Variants in CTNNA1 observed in about 807,000 individuals in gnomAD.
CTNNA1 encodes catenin alpha 1, also known as catenin alpha-1.
A neutral mutation model predicts 98.4 loss-of-function variants in CTNNA1; 37 were observed. The observed-to-expected ratio is 0.38, with a 90% CI of 0.29 to 0.49. CTNNA1 has a LOEUF of 0.49. Ranked by LOEUF, CTNNA1 falls within the 20% of genes least tolerant of loss-of-function variation. The probability of loss-of-function intolerance (pLI) is 0.95; values close to 1 mark genes in which losing one functional copy is unlikely to be tolerated. For missense variants in CTNNA1, 761 were observed against 1,147.2 expected, an observed-to-expected ratio of 0.66 and a Z score of 4.86; for synonymous variants, 404 against 413.2, an observed-to-expected ratio of 0.98 and a Z score of 0.27.
chr5:138,916,025 G>A (rs898312848), intron 10 of CTNNA1, among the ~76,000 whole-genome samples: 9 of 152,006 alleles, frequency 5.9e-5, no homozygotes, highest in Non-Finnish European at 1.3e-4. Flanking sequence ...CTCCAGCCTG[G>A]GCGACAGAGA....
chr5:138,845,909 A>G (rs1762678152), intron 7 of CTNNA1, among the ~76,000 whole-genome samples: 1 of 146,268 alleles, frequency 6.8e-6, no homozygotes, highest in Admixed American at 7.1e-5. Flanking sequence ...GCTAAAGGGT[A>G]CAGGTTTTTT....
At chr5:138,774,445 G>C (rs1029668052) in intron 1 of CTNNA1, among the ~76,000 whole-genome samples, 4 of 152,168 alleles carry the variant, frequency 2.6e-5, no homozygotes, top group Non-Finnish European at 5.9e-5. Flanking sequence ...TGAAAAGTCA[G>C]ATGGTCTGGA....
At position 138,767,617 on chromosome 5, in the gene CTNNA1, C is replaced by T. The variant is rs187941541; in HGVS notation, c.-3+14107C>T. Among the ~76,000 whole-genome samples, 29 of 152,288 alleles carry T rather than the reference C, an allele frequency of 1.9e-4. No individual in the cohort carries two copies. The East Asian group carries it at 5.2e-3, about 27-fold the overall frequency. ...TATAGACTGTTGTAAGCATTTTCCC[C>T]CTACTTTTTTTGGGGAAGATCTTCA... On this transcript the variant is annotated intron_variant, in intron 1 of 17. Transcript: ENST00000302763.
intron 9 of CTNNA1, among the ~76,000 whole-genome samples, chr5:138,902,420 T>TTTTTTG (rs952633786): frequency 5.9e-5 from 9 of 152,216 alleles, no homozygotes; most frequent in Non-Finnish European, 8.8e-5. Context: ...GGGATCTTTG[T>TTTTTTG]TTTTTGTTTT....
chr5:138,929,160 C>T lies in CTNNA1; in HGVS notation c.1900-86C>T, dbSNP rs189300624. 18 of 794,372 alleles carry T rather than the reference C, an allele frequency of 2.3e-5. No homozygotes were observed. The African/African-American group carries it at 2.4e-4, about 10-fold the overall frequency. The allele number at this position is 794,372 out of a possible 1,614,324, so 49.2% of individuals were successfully genotyped here. A position where few individuals can be genotyped will look rare whatever the true frequency, so the allele number is the denominator to read the frequency against. ...CATTAAAATCCAGAATTCTGGGCCT[C>T]CGTGCACCTGGCCAAGAGGCTCAGG... On this transcript the variant is annotated intron_variant, in intron 13 of 17. Coordinates refer to ENST00000302763, the MANE Select transcript of CTNNA1 (RefSeq NM_001903.5).
chr5:138,897,497 A>G lies in CTNNA1; in HGVS notation c.1297-6852A>G, dbSNP rs115517145. On this transcript the variant is annotated intron_variant, in intron 9 of 17. Transcript: ENST00000302763. ...TCTGTAAGGAGCATTTGAATTAAAC[A>G]CTGACCTGACGTGACTACCTGTGAC... Among the ~76,000 whole-genome samples, 1,688 of 152,202 alleles carry G rather than the reference A, an allele frequency of 0.011. 25 individuals are homozygous for G. Among genetic ancestry groups the G allele is most frequent in the African/African-American group, 0.039 (1,605 of 41,538 alleles).
intron 9 of CTNNA1, among the ~76,000 whole-genome samples, chr5:138,899,853 A>T (rs1757650698): frequency 6.6e-6 from 1 of 152,226 alleles, no homozygotes; most frequent in South Asian, 2.1e-4. Flanking sequence ...TATACCATAA[A>T]ATTAACCATT....
At chr5:138,769,992 G>A (rs367738684) in intron 1 of CTNNA1, among the ~76,000 whole-genome samples, 1 of 151,872 alleles carries the variant, frequency 6.6e-6, no homozygotes, top group African/African-American at 2.4e-5. Context: ...GATTACAGGC[G>A]CCTGGCTGAT....
intron 9 of CTNNA1, among the ~76,000 whole-genome samples, chr5:138,901,930 T>C (rs1758128993): frequency 6.6e-6 from 1 of 152,160 alleles, no homozygotes; most frequent in Admixed American, 6.5e-5. Flanking sequence ...TAGAAGTGAG[T>C]AGCCCTGTCC....
At chr5:138,924,018 C>T (rs994840273) in intron 11 of CTNNA1, among the ~76,000 whole-genome samples, 16 of 152,230 alleles carry the variant, frequency 1.1e-4, no homozygotes, top group South Asian at 8.3e-4. Context: ...TGCTTTCCAG[C>T]ACCTTCTCCT....
At chr5:138,887,771 C>G (rs1216537934) in intron 9 of CTNNA1, 129 bp downstream of exon 9, 1 of 728,974 alleles carries the variant, frequency 1.4e-6, no homozygotes, top group African/African-American at 1.8e-5. Flanking sequence ...AGATGATAGT[C>G]TTTCATTATC....
intron 7 of CTNNA1, among the ~76,000 whole-genome samples, chr5:138,833,457 G>A (rs1761475617): frequency 6.6e-6 from 1 of 152,162 alleles, no homozygotes; most frequent in South Asian, 2.1e-4. Context: ...TTATCTCACT[G>A]ATATTATTTT....
At chr5:138,888,054 ATATC>A (rs1754475824) in intron 9 of CTNNA1, among the ~76,000 whole-genome samples, 1 of 152,216 alleles carries the variant, frequency 6.6e-6, no homozygotes. Context: ...GACACTGATA[ATATC>A]TATCTTGGGA....
chr5:138,791,521 G>A (rs564904382), intron 3 of CTNNA1, among the ~76,000 whole-genome samples: 7 of 150,410 alleles, frequency 4.7e-5, no homozygotes, highest in Admixed American at 4.6e-4. Flanking sequence ...GGAGGCTGAG[G>A]CAGGGGAATT....
chr5:138,783,704 A>G lies in CTNNA1; in HGVS notation c.301+332A>G, dbSNP rs1291525306. On this transcript the variant is annotated intron_variant, in intron 3 of 17. Transcript: ENST00000302763. ...AATAGTTAAGTCTTAGAAATGTTGT[A>G]ACACAAATTGATAGGAAAGAAATGG... Among the ~76,000 whole-genome samples the G allele has an allele frequency of 2.0e-5, 3 of 152,322 alleles. No individual in the cohort carries two copies. The East Asian group carries it at 5.8e-4, about 29-fold the overall frequency.
intron 6 of CTNNA1, among the ~76,000 whole-genome samples, chr5:138,825,518 T>C (rs1048900783): frequency 5.9e-5 from 4 of 68,240 alleles, no homozygotes; most frequent in Non-Finnish European, 8.1e-5. Context: ...AAAGTAACTG[T>C]TGGGGCTAAT....
At chr5:138,786,261 CCTTACTTTTTTCTCTTGG>C (rs1379697068) in intron 3 of CTNNA1, among the ~76,000 whole-genome samples, 1 of 152,108 alleles carries the variant, frequency 6.6e-6, no homozygotes, top group Admixed American at 6.5e-5. Flanking sequence ...AGCTGAAATG[CCTTACTTTTTTCTCTTGG>C]CTTACTTTTT....
In CTNNA1 at chr5:138,806,368, T is replaced by C. The variant is rs76827611; in HGVS notation, c.302-3670T>C. Among the ~76,000 whole-genome samples, 11 of 152,174 alleles carry C rather than the reference T, an allele frequency of 7.2e-5. No homozygotes were observed. The East Asian group carries it at 9.7e-4, about 13-fold the overall frequency. ...TCGAGGGTCCTAACTTTTTTTTTTT[T>C]CTAAATCTTTCCCAACTCATGTGTT... On this transcript the variant is annotated intron_variant, in intron 3 of 17. Transcript: ENST00000302763.
At chr5:138,894,281 CTTT>C (rs539073038) in intron 9 of CTNNA1, among the ~76,000 whole-genome samples, 10 of 123,904 alleles carry the variant, frequency 8.1e-5, no homozygotes, top group Admixed American at 2.3e-4. Context: ...TTTTCTTTCT[CTTT>C]TTTTTTTTTT....
Sources: allele counts gnomAD v4.1 joint callset (sites outside exome capture counted in the v4.1 genomes callset), GRCh38; gene constraint gnomAD v4.1.1; transcripts MANE v1.5; gene names NCBI Gene and HGNC (gene_info 2026-07-23, HGNC 2026-07-21).